Variants in CNOT11 observed in about 807,000 individuals in gnomAD.
The protein encoded by CNOT11 is UPF0760 protein C2orf29.
CNOT11 carries 18 observed loss-of-function variants against 44.6 expected under a neutral mutation model. That is an observed-to-expected ratio of 0.40 (90% CI 0.28 to 0.60). The LOEUF (loss-of-function observed/expected upper bound fraction) is 0.60, where lower values mean the gene tolerates loss of function less well. CNOT11 is among the 20% of genes least tolerant of loss of function. The pLI is 0.38. For synonymous variants in CNOT11, 291 were observed against 270.9 expected (o/e 1.07, Z -0.73); for missense variants, 513 against 677.0 (o/e 0.76, Z 2.69).
intron 1 of CNOT11, among the ~76,000 whole-genome samples, chr2:101,256,215 A>G (rs2104361416): frequency 6.6e-6 from 1 of 152,052 alleles, no homozygotes; most frequent in South Asian, 2.1e-4. Flanking sequence ...AGAGAAGGTC[A>G]AGAAGTGAGA....
rs373737927 is a variant in CNOT11, at chr2:101,266,898, T to A, written c.1238+19T>A. Reference sequence around the variant, plus strand: ...TAAATCGGTAAGTTTCTAGATTTGATCAAATGTGTGGGGATAGATACAGAT... The same window carrying A: ...TAAATCGGTAAGTTTCTAGATTTGAACAAATGTGTGGGGATAGATACAGAT... On this transcript the variant is annotated intron_variant, in intron 5 of 6. Coordinates refer to ENST00000289382, the MANE Select transcript of CNOT11 (RefSeq NM_017546.5). 9 of 1,582,494 alleles carry A rather than the reference T, an allele frequency of 5.7e-6. No homozygotes were observed. Among genetic ancestry groups the A allele is most frequent in the Non-Finnish European group, 7.8e-6 (9 of 1,151,568 alleles).
At chr2:101,256,168 G>A (rs11687939) in intron 1 of CNOT11, among the ~76,000 whole-genome samples, 37,588 of 151,380 alleles carry the variant, frequency 0.25, 4,758 homozygotes, top group Middle Eastern at 0.34. Context: ...GAAGTTGAGG[G>A]ATTTTGTGCA....
At chr2:101,254,863 AAC>A (rs138305137) in intron 1 of CNOT11, among the ~76,000 whole-genome samples, 11 of 140,864 alleles carry the variant, frequency 7.8e-5, no homozygotes, top group Non-Finnish European at 1.2e-4. Flanking sequence ...ACAGCTTCTA[AAC>A]ACACACACAC....
At chr2:101,258,997 G>T (rs983583118) in intron 2 of CNOT11, among the ~76,000 whole-genome samples, 3 of 152,010 alleles carry the variant, frequency 2.0e-5, no homozygotes, top group Non-Finnish European at 2.9e-5. Flanking sequence ...AGCCGGGCGT[G>T]GTGGTGCATG....
At chr2:101,263,858 G>A (rs1471950960) in intron 3 of CNOT11, among the ~76,000 whole-genome samples, 2 of 152,196 alleles carry the variant, frequency 1.3e-5, no homozygotes, top group East Asian at 3.8e-4. Flanking sequence ...CATAATAAGT[G>A]GGTCTAGCCA....
chr2:101,265,518 T>A (rs13015194), intron 4 of CNOT11, among the ~76,000 whole-genome samples: 1 of 152,102 alleles, frequency 6.6e-6, no homozygotes, highest in Non-Finnish European at 1.5e-5. Flanking sequence ...TTTGGGTCTC[T>A]GAAGCTTTGT....
In CNOT11 at chr2:101,269,529, C is replaced by T. The variant is rs1315219375; in HGVS notation, c.*116C>T. 10 of 784,018 alleles carry T rather than the reference C, an allele frequency of 1.3e-5. No individual in the cohort carries two copies. The highest frequency in any genetic ancestry group is 1.6e-5 in the Non-Finnish European group (8 of 513,524). 48.6% of individuals were successfully genotyped at this position (784,018 alleles called of 1,614,324 possible). ...TTAATGCATATAAACAGTACTTTAT[C>T]TACTTAAAGCAAAGTTTTGCTTTCT... On this transcript the variant is annotated 3_prime_UTR_variant, in exon 7 of 7. Transcript: ENST00000289382. This position sits in a 1 kb window ranked among gnomAD's most constrained non-coding sequence, Gnocchi z 4.8.
intron 2 of CNOT11, among the ~76,000 whole-genome samples, chr2:101,258,942 T>G (rs1239764521): frequency 1.3e-5 from 2 of 152,166 alleles, no homozygotes; most frequent in Non-Finnish European, 2.9e-5. Flanking sequence ...AAGACTAGCC[T>G]GGGCAACATA....
chr2:101,256,128 G>C (rs2104361311), intron 1 of CNOT11, among the ~76,000 whole-genome samples: 1 of 131,108 alleles, frequency 7.6e-6, no homozygotes, highest in South Asian at 2.7e-4. Flanking sequence ...AACAGAGTGA[G>C]ACTGCCTCAA....
At chr2:101,262,247 AGTGAT>A (rs1681881504) in intron 2 of CNOT11, among the ~76,000 whole-genome samples, 1 of 152,196 alleles carries the variant, frequency 6.6e-6, no homozygotes, top group African/African-American at 2.4e-5. Context: ...ATTTAAGTGA[AGTGAT>A]GTACAGCAGG....
In CNOT11 at chr2:101,265,215, C is replaced by T. The variant is rs1168692286; in HGVS notation, c.1035+168C>T. 2.0e-5 allele frequency among the ~76,000 whole-genome samples: 3 copies of T among 152,140 alleles called. No individual in the cohort carries two copies. The East Asian group carries it at 5.8e-4, about 29-fold the overall frequency. Reference sequence around the variant, plus strand: ...TCCCGGGTTCAAGTGATACTCGTGCCTCAGCGCCCCCAGCAGCTGAGACTA... The same window carrying T: ...TCCCGGGTTCAAGTGATACTCGTGCTTCAGCGCCCCCAGCAGCTGAGACTA... On this transcript the variant is annotated intron_variant, in intron 4 of 6. Coordinates refer to ENST00000289382, the MANE Select transcript of CNOT11 (RefSeq NM_017546.5).
intron 1 of CNOT11, among the ~76,000 whole-genome samples, chr2:101,254,767 T>A (rs1302688755): frequency 1.3e-5 from 2 of 152,090 alleles, no homozygotes; most frequent in African/African-American, 4.8e-5. Context: ...ATGGGGTGGC[T>A]AACACCTGTA....
At chr2:101,261,212 C>T (rs1407569242) in intron 2 of CNOT11, among the ~76,000 whole-genome samples, 3 of 152,224 alleles carry the variant, frequency 2.0e-5, no homozygotes, top group Admixed American at 2.0e-4. Context: ...CAGTGGCTGC[C>T]TCATCACTAA....
At chr2:101,260,104 C>G (rs116240711) in intron 2 of CNOT11, among the ~76,000 whole-genome samples, 1 of 152,070 alleles carries the variant, frequency 6.6e-6, no homozygotes, top group African/African-American at 2.4e-5. Context: ...CAAAAGAAAT[C>G]TTTTTAAGAC....
chr2:101,256,382 G>T (rs897728722), intron 1 of CNOT11, among the ~76,000 whole-genome samples: 1 of 152,140 alleles, frequency 6.6e-6, no homozygotes, highest in East Asian at 1.9e-4. Context: ...GGTGGTGGGT[G>T]AGCAGGGGTC....
intron 2 of CNOT11, among the ~76,000 whole-genome samples, chr2:101,259,845 C>T (rs1393555903): frequency 6.6e-6 from 1 of 151,986 alleles, no homozygotes; most frequent in African/African-American, 2.4e-5. Context: ...TAAAACCAGC[C>T]TGGGCAACAT....
At chr2:101,260,792 C>G (rs1360247056) in intron 2 of CNOT11, among the ~76,000 whole-genome samples, 1 of 151,134 alleles carries the variant, frequency 6.6e-6, no homozygotes, top group African/African-American at 2.4e-5. Flanking sequence ...ACACCTACCA[C>G]TTACTAGTTT....
intron 2 of CNOT11, among the ~76,000 whole-genome samples, chr2:101,259,313 G>A (rs1334944086): frequency 6.6e-6 from 1 of 152,218 alleles, no homozygotes; most frequent in Non-Finnish European, 1.5e-5. Flanking sequence ...TTGAAATCGG[G>A]AGGTATGAGA....
rs148681424 is a variant in CNOT11 at position 101,266,370 on chromosome 2, C to G, written c.1036-307C>G. Among the ~76,000 whole-genome samples the G allele has an allele frequency of 6.3e-3, 960 of 152,206 alleles. 4 individuals are homozygous for G. The highest frequency in any genetic ancestry group is 0.022 in the African/African-American group (917 of 41,538). ...ACCTGCAAAGGACTTGACATTGTTA[C>G]AACCAGACAGTATTTTATCTGACCA... On this transcript the variant is annotated intron_variant, in intron 4 of 6. Transcript: ENST00000289382.
Sources: allele counts gnomAD v4.1 joint callset (sites outside exome capture counted in the v4.1 genomes callset), GRCh38; gene constraint gnomAD v4.1.1; non-coding constraint Gnocchi (gnomAD v3.1); transcripts MANE v1.5; gene names NCBI Gene and HGNC (gene_info 2026-07-23, HGNC 2026-07-21).